Variants in REST observed in about 807,000 individuals in gnomAD.
The protein encoded by REST is RE1-silencing transcription factor.
Under a neutral mutation model 30.4 loss-of-function variants are expected in REST, and 1 was observed. The observed-to-expected ratio is 0.03, with a 90% CI of 0.01 to 0.16. The LOEUF is 0.16. REST is among the 10% of genes least tolerant of loss of function. The pLI is 1.00. For synonymous variants in REST, 504 were observed against 451.1 expected, an observed-to-expected ratio of 1.12 and a Z score of -1.49; for missense variants, 1,259 against 1,329.5, an observed-to-expected ratio of 0.95 and a Z score of 0.82.
At chr4:56,916,561 C>T (rs748219661) in intron 2 of REST, among the ~76,000 whole-genome samples, 2 of 151,940 alleles carry the variant, frequency 1.3e-5, no homozygotes, top group African/African-American at 2.4e-5. Flanking sequence ...CACTTGAACC[C>T]AAGAGGCAGA....
rs200605860 is a variant in REST at position 56,919,775 on chromosome 4, G to A, written c.899-12G>A. On this transcript the variant is annotated splice_polypyrimidine_tract_variant and intron_variant, in intron 2 of 3. Transcript: ENST00000309042. ...GACATTTAAACACTCTTATATTATT[G>A]AAATTTTGCAGGAGAACGCCCATAT... 532 of 1,571,076 alleles carry A rather than the reference G, an allele frequency of 3.4e-4. 4 individuals are homozygous for A. The African/African-American group carries it at 6.2e-3, about 18-fold the overall frequency.
At chr4:56,911,669 C>T (rs901691085) in intron 2 of REST, 133 bp downstream of exon 2, 2 of 714,704 alleles carry the variant, frequency 2.8e-6, no homozygotes, top group Admixed American at 2.7e-5. Context: ...TGTGACCTTG[C>T]ACAAGTTGTT....
Position 56,935,731 on chromosome 4 carries a change from C to T in REST, c.*3579C>T, listed in dbSNP as rs1721127200. On this transcript the variant is annotated 3_prime_UTR_variant, in exon 4 of 4. Coordinates refer to ENST00000309042, the MANE Select transcript of REST (RefSeq NM_005612.5). The stretch of plus-strand genomic sequence containing the variant: ...CTTTTTTAAAATCCTAAACCATGTA[C>T]CAAGTTTTTGGTCCAAATTATGTAG... The T allele has an allele frequency of 6.6e-6, 1 of 152,082 alleles. No homozygotes were observed. Among genetic ancestry groups the T allele is most frequent in the Non-Finnish European group, 1.5e-5 (1 of 68,020 alleles). The allele number at this position is 152,082 out of a possible 1,614,324, so 9.4% of individuals were successfully genotyped here. A position where few individuals can be genotyped will look rare whatever the true frequency, so the allele number is the denominator to read the frequency against.
chr4:56,925,555 C>G (rs1490852204), intron 3 of REST, among the ~76,000 whole-genome samples: 2 of 152,110 alleles, frequency 1.3e-5, no homozygotes, highest in Non-Finnish European at 2.9e-5. Context: ...GTAAAGCTTG[C>G]AGAACTCTTT....
intron 2 of REST, among the ~76,000 whole-genome samples, chr4:56,913,624 T>C (rs1260171877): frequency 6.6e-6 from 1 of 152,096 alleles, no homozygotes; most frequent in Non-Finnish European, 1.5e-5. Flanking sequence ...TGATGCTGCT[T>C]TAAGTGGAGT....
At chr4:56,920,427 G>A (rs971010266) in intron 3 of REST, among the ~76,000 whole-genome samples, 51 of 150,918 alleles carry the variant, frequency 3.4e-4, no homozygotes, top group African/African-American at 1.2e-3. Flanking sequence ...TGAGAGATTC[G>A]TCCACTCCAG....
At chr4:56,917,487 T>C (rs898491346) in intron 2 of REST, among the ~76,000 whole-genome samples, 3 of 152,116 alleles carry the variant, frequency 2.0e-5, no homozygotes, top group African/African-American at 7.2e-5. Flanking sequence ...CCTGGCCTGT[T>C]CTTTTTTCTG....
At position 56,932,255 on chromosome 4, in the gene REST, C is replaced by T; in HGVS notation, c.*103C>T. On this transcript the variant is annotated 3_prime_UTR_variant, in exon 4 of 4. Coordinates refer to ENST00000309042, the MANE Select transcript of REST (RefSeq NM_005612.5). ...CTTTTAAGATTGCTTTAATTAGTAT[C>T]TGATGTTGATTTTTAAGTGGCATTC... 7.9e-7 allele frequency: 1 copy of T among 1,266,960 alleles called. No homozygotes were observed. The highest frequency in any genetic ancestry group is 1.5e-5 in the South Asian group (1 of 66,000). 78.5% of individuals were successfully genotyped at this position (1,266,960 alleles called of 1,614,324 possible). A position where few individuals can be genotyped will look rare whatever the true frequency, so the allele number is the denominator to read the frequency against.
intron 3 of REST, among the ~76,000 whole-genome samples, chr4:56,924,662 A>G (rs1395188535): frequency 2.7e-5 from 4 of 149,992 alleles, no homozygotes; most frequent in Non-Finnish European, 4.4e-5. Flanking sequence ...GAGTCTTACT[A>G]TGTTGGCCCA....
rs1720619139 is a variant in REST at position 56,924,953 on chromosome 4, G to C, written c.983-4888G>C. ...AACCATGGTGAGCGGATCATCGGAGGTCAGAAGTTCAAGACCAGGCTGGCC... is the reference window on the plus strand; with the variant it reads ...AACCATGGTGAGCGGATCATCGGAGCTCAGAAGTTCAAGACCAGGCTGGCC... On this transcript the variant is annotated intron_variant, in intron 3 of 3. Coordinates refer to ENST00000309042, the MANE Select transcript of REST (RefSeq NM_005612.5). 2.0e-5 allele frequency among the ~76,000 whole-genome samples: 3 copies of C among 152,124 alleles called. No individual in the cohort carries two copies. In the South Asian group the frequency reaches 6.2e-4, roughly 32 times the overall value.
intron 2 of REST, among the ~76,000 whole-genome samples, chr4:56,913,485 G>A (rs765921527): frequency 6.6e-6 from 1 of 152,114 alleles, no homozygotes; most frequent in Non-Finnish European, 1.5e-5. Flanking sequence ...GAATAATCCA[G>A]TACTCTACTC....
chr4:56,925,058 C>T (rs954574723), intron 3 of REST, among the ~76,000 whole-genome samples: 46 of 151,062 alleles, frequency 3.0e-4, no homozygotes, highest in African/African-American at 4.9e-4. Flanking sequence ...CCAGCTACTC[C>T]GGAGGCTGAG....
chr4:56,925,926 T>C (rs1221036358), intron 3 of REST, among the ~76,000 whole-genome samples: 1 of 152,212 alleles, frequency 6.6e-6, no homozygotes, highest in East Asian at 1.9e-4. Context: ...ATCTCCTTAT[T>C]CATCAGAGTT....
intron 2 of REST, among the ~76,000 whole-genome samples, chr4:56,916,640 A>C (rs1720211321): frequency 6.6e-6 from 1 of 152,256 alleles, no homozygotes; most frequent in Non-Finnish European, 1.5e-5. Context: ...GCGTCTCAAA[A>C]AAAAATAATA....
chr4:56,928,620 C>T (rs1456513600), intron 3 of REST, among the ~76,000 whole-genome samples: 1 of 146,972 alleles, frequency 6.8e-6, no homozygotes, highest in South Asian at 2.2e-4. Context: ...CAAAGTCTTA[C>T]TGTCGCCCAG....
At chr4:56,918,371 A>G (rs1713988) in intron 2 of REST, among the ~76,000 whole-genome samples, 6 of 151,340 alleles carry the variant, frequency 4.0e-5, no homozygotes, top group South Asian at 2.1e-4. Flanking sequence ...GCACACGCCT[A>G]TGGTCCCAGC....
rs1242729515 is a variant in REST at position 56,931,267 on chromosome 4, T to C, written c.2409T>C (p.Pro803=). 6.2e-7 allele frequency: 1 copy of C among 1,614,172 alleles called. No individual in the cohort carries two copies. The highest frequency in any genetic ancestry group is 1.7e-5 in the Admixed American group (1 of 60,012). Residue 803 remains proline, a synonymous_variant, in exon 4 of 4, where the codon CCT becomes CCC. Transcript: ENST00000309042. ...AQREPPPPRE[P]PLHMEPISKK... is the part of the protein sequence containing the mutation. ...GGGAGCCACCTCCTCCCAGAGAGCC[T>C]CCCCTTCACATGGAGCCAATTTCCA... is the stretch of plus-strand genomic sequence containing the variant.
rs769312004 is a variant in REST, at chr4:56,919,880, A to C, written c.982+10A>C. ...ATGCGTACTCATTCAGGTTGGTAAG[A>C]AATTGGAACTTTTCTATCATTTTCA... On this transcript the variant is annotated intron_variant, in intron 3 of 3. Coordinates refer to ENST00000309042, the MANE Select transcript of REST (RefSeq NM_005612.5). The C allele has an allele frequency of 6.7e-6, 10 of 1,481,550 alleles. No homozygotes were observed. The highest frequency in any genetic ancestry group is 8.3e-6 in the Non-Finnish European group (9 of 1,080,286). 91.8% of individuals were successfully genotyped at this position (1,481,550 alleles called of 1,614,324 possible).
intron 1 of REST, chr4:56,908,847 G>A (rs938380099): frequency 6.6e-6 from 1 of 151,722 alleles, no homozygotes; most frequent in African/African-American, 2.4e-5. Context: ...CGGGCGCCGT[G>A]GGGGAGTGAA....
Sources: gnomAD v4.1 joint callset for allele counts (sites outside exome capture counted in the v4.1 genomes callset) on GRCh38, gnomAD v4.1.1 for gene constraint, MANE v1.5 for transcripts, NCBI Gene and HGNC (gene_info 2026-07-23, HGNC 2026-07-21) for gene names.